CCDC102B: variants seen among roughly 807,000 people sequenced by gnomAD.
CCDC102B encodes the protein coiled-coil domain containing 102B, also known as coiled-coil domain-containing protein 102B.
A neutral mutation model predicts 57.4 loss-of-function variants in CCDC102B; 75 were observed. The ratio of observed to expected loss-of-function variants is 1.31; its 90% CI spans 1.08 to 1.58. The LOEUF (loss-of-function observed/expected upper bound fraction) is 1.58. Ranked by LOEUF, CCDC102B falls within the 40% of genes most tolerant of loss-of-function variation. The probability of loss-of-function intolerance (pLI) is 0.00; values close to 1 mark genes in which losing one functional copy is unlikely to be tolerated. For missense variants in CCDC102B, 636 were observed against 582.6 expected (o/e 1.09, Z -0.94); for synonymous variants, 206 against 201.9 (o/e 1.02, Z -0.17).
chr18:68,881,906 T>C (rs573050552), intron 5 of CCDC102B, among the ~76,000 whole-genome samples: 2 of 152,188 alleles, frequency 1.3e-5, no homozygotes, highest in Non-Finnish European at 2.9e-5. Context: ...TTGTTATAAA[T>C]TTATTTGTAC....
intron 2 of CCDC102B, among the ~76,000 whole-genome samples, chr18:68,738,512 G>T (rs1030047740): frequency 7.2e-5 from 11 of 152,008 alleles, no homozygotes; most frequent in African/African-American, 2.7e-4. Context: ...CTCAGCACTG[G>T]TCCCCGATGG....
chr18:68,760,645 T>C (rs748933645), intron 2 of CCDC102B, among the ~76,000 whole-genome samples: 1 of 152,082 alleles, frequency 6.6e-6, no homozygotes, highest in Non-Finnish European at 1.5e-5. Flanking sequence ...ATTGTCACTA[T>C]AAAAGCAAAT....
At chr18:69,013,997 CA>C (rs2051591244) in intron 7 of CCDC102B, among the ~76,000 whole-genome samples, 2 of 152,012 alleles carry the variant, frequency 1.3e-5, no homozygotes, top group Non-Finnish European at 1.5e-5. Flanking sequence ...TTATGCTGAA[CA>C]AAAATAGTGT....
intron 1 of CCDC102B, among the ~76,000 whole-genome samples, chr18:68,817,089 G>A (rs540655499): frequency 6.6e-6 from 1 of 152,216 alleles, no homozygotes; most frequent in East Asian, 1.9e-4. Context: ...TTACTAGTAG[G>A]AAAATCCATC....
intron 4 of CCDC102B, among the ~76,000 whole-genome samples, chr18:68,846,732 G>T (rs2037883110): frequency 6.6e-6 from 1 of 151,724 alleles, no homozygotes; most frequent in Admixed American, 6.6e-5. Context: ...ATAGTTAAAT[G>T]GTTAATGATG....
chr18:68,731,478 C>T, intron 2 of CCDC102B, among the ~76,000 whole-genome samples: 1 of 152,014 alleles, frequency 6.6e-6, no homozygotes, highest in Non-Finnish European at 1.5e-5. Context: ...TTCCAAAATA[C>T]CCTGGCTTCT....
chr18:68,993,093 C>G (rs942515095), intron 6 of CCDC102B: 1 of 155,760 alleles, frequency 6.4e-6, no homozygotes, highest in African/African-American at 2.4e-5. Flanking sequence ...ACAGCAAAGT[C>G]TGAGCTGGCG....
rs372817910 is a variant in CCDC102B at position 68,855,985 on chromosome 18, G to A, written c.936+9564G>A. Among the ~76,000 whole-genome samples the A allele has an allele frequency of 1.9e-3, 284 of 152,166 alleles. 1 individual carries two copies. The highest frequency in any genetic ancestry group is 6.5e-3 in the African/African-American group (270 of 41,532). Reference sequence around the variant, plus strand: ...TGGCAGGAATACAGGCCACTTTCTCGTGTTTGGTAGAGAAGGAATGAGTGA... The same window carrying A: ...TGGCAGGAATACAGGCCACTTTCTCATGTTTGGTAGAGAAGGAATGAGTGA... On this transcript the variant is annotated intron_variant, in intron 4 of 7. Transcript: ENST00000360242.
At chr18:68,773,921 C>CTT (rs2034725475) in intron 2 of CCDC102B, among the ~76,000 whole-genome samples, 1 of 151,848 alleles carries the variant, frequency 6.6e-6, no homozygotes, top group South Asian at 2.1e-4. Flanking sequence ...TTTGCTTGTG[C>CTT]TTAAGAGTAA....
chr18:68,763,688 A>G (rs1345154831), intron 2 of CCDC102B, among the ~76,000 whole-genome samples: 2 of 94,608 alleles, frequency 2.1e-5, no homozygotes, highest in Non-Finnish European at 4.9e-5. Context: ...TTGTTAAACA[A>G]ATATTCCTCA....
At chr18:68,896,836 A>G (rs1264957337) in intron 5 of CCDC102B, among the ~76,000 whole-genome samples, 1 of 152,018 alleles carries the variant, frequency 6.6e-6, no homozygotes, top group Non-Finnish European at 1.5e-5. Context: ...GAGTGAATGA[A>G]TAAATGAAAT....
At chr18:69,024,674 A>T (rs944329660) in intron 7 of CCDC102B, among the ~76,000 whole-genome samples, 1 of 152,034 alleles carries the variant, frequency 6.6e-6, no homozygotes, top group African/African-American at 2.4e-5. Context: ...TTGATTAAAG[A>T]TGAATAAATG....
intron 6 of CCDC102B, among the ~76,000 whole-genome samples, chr18:68,986,788 A>G (rs1025485750): frequency 2.0e-5 from 3 of 152,184 alleles, no homozygotes; most frequent in Non-Finnish European, 4.4e-5. Context: ...ATTCAAGCTG[A>G]CAGCCAAATC....
intron 7 of CCDC102B, among the ~76,000 whole-genome samples, chr18:69,036,161 TGCA>T (rs2052286301): frequency 6.6e-6 from 1 of 152,162 alleles, no homozygotes; most frequent in African/African-American, 2.4e-5. Context: ...TGCTTTAGTC[TGCA>T]GCATCTAACA....
Position 68,874,785 on chromosome 18 carries a change from G to T in CCDC102B, c.1053G>T (p.Glu351Asp), listed in dbSNP as rs1345938014. 6.5e-7 allele frequency: 1 copy of T among 1,545,742 alleles called. No homozygotes were observed. The highest frequency in any genetic ancestry group is 1.7e-5 in the Admixed American group (1 of 59,818). The change falls in exon 5 of 8, where the codon GAG becomes GAT. Residue 351 changes from glutamate (E) to aspartate (D), a missense_variant and splice_region_variant. Physicochemically the swap from Glu to Asp is conservative, Grantham distance 45 (BLOSUM62 2). Coordinates refer to ENST00000360242, the MANE Select transcript of CCDC102B (RefSeq NM_024781.3). ...GAGTGATTTGTGAGTTAAGAGCAGA[G>T]GTAAGACACTGGGTAAAGAGTACCA... The part of the protein sequence containing the change: ...KDRVICELRA[E>D]LERLQAENTS...
At chr18:69,010,314 G>A (rs1185404040) in intron 6 of CCDC102B, among the ~76,000 whole-genome samples, 4 of 151,708 alleles carry the variant, frequency 2.6e-5, no homozygotes, top group Non-Finnish European at 4.4e-5. Context: ...AATGAGAAAC[G>A]ATATTAATCT....
downstream of CCDC102B, among the ~76,000 whole-genome samples, chr18:69,056,066 A>G (rs1409574281): frequency 6.6e-6 from 1 of 152,052 alleles, no homozygotes; most frequent in Non-Finnish European, 1.5e-5. Context: ...TCTTCATAAC[A>G]CGTATGTAAT....
intron 6 of CCDC102B, among the ~76,000 whole-genome samples, chr18:68,924,429 T>C (rs1190207833): frequency 6.6e-6 from 1 of 152,074 alleles, no homozygotes; most frequent in Non-Finnish European, 1.5e-5. Context: ...GTGTCTTGCT[T>C]CCTCTCTGCC....
intron 1 of CCDC102B, among the ~76,000 whole-genome samples, chr18:68,804,769 C>G (rs1251299723): frequency 6.6e-6 from 1 of 151,526 alleles, no homozygotes; most frequent in Non-Finnish European, 1.5e-5. Flanking sequence ...ACTGCGACTT[C>G]AAGAGAAAAT....
Sources: allele counts gnomAD v4.1 joint callset (sites outside exome capture counted in the v4.1 genomes callset), GRCh38; gene constraint gnomAD v4.1.1; transcripts MANE v1.5; gene names NCBI Gene and HGNC (gene_info 2026-07-23, HGNC 2026-07-21).